The following PKHD1L1 variants were observed in gnomAD, a reference collection of about 807,000 sequenced individuals.
PKHD1L1 encodes fibrocystin-L.
Under a neutral mutation model 462.9 loss-of-function variants are expected in PKHD1L1, and 434 were observed. That is an observed-to-expected ratio of 0.94 (90% confidence interval 0.87 to 1.02). The LOEUF is 1.02. Among genes scored for constraint, PKHD1L1 ranks in the 50% least tolerant of loss-of-function variants. The pLI is 0.00. For synonymous variants in PKHD1L1, 1,781 were observed against 1,750.0 expected, an observed-to-expected ratio of 1.02 and a Z score of -0.44; for missense variants, 5,202 against 5,096.1, an observed-to-expected ratio of 1.02 and a Z score of -0.63.
At chr8:109,368,983 AT>A (rs530600117) in intron 2 of PKHD1L1, among the ~76,000 whole-genome samples, 2,282 of 144,676 alleles carry the variant, frequency 0.016, 47 homozygotes, top group African/African-American at 0.047. Context: ...AGAATTACAT[AT>A]TTTTTTTTTT....
intron 68 of PKHD1L1, among the ~76,000 whole-genome samples, chr8:109,506,167 T>A (rs1819677511): frequency 6.6e-6 from 1 of 152,208 alleles, no homozygotes; most frequent in African/African-American, 2.4e-5. Context: ...TTTTCTGAGT[T>A]CTGTGCTTGC....
chr8:109,400,444 G>A, intron 13 of PKHD1L1, 100 bp downstream of exon 13: 3 of 1,322,430 alleles, frequency 2.3e-6, no homozygotes, highest in East Asian at 2.4e-5. Context: ...TTTTTAAAAT[G>A]TATGAGAAAT....
At chr8:109,497,345 T>C (rs1819150201) in intron 65 of PKHD1L1, 73 bp downstream of exon 65, 5 of 1,503,804 alleles carry the variant, frequency 3.3e-6, no homozygotes, top group Non-Finnish European at 4.5e-6. Context: ...GAAGGACTAA[T>C]AAGAATAATC....
intron 38 of PKHD1L1, among the ~76,000 whole-genome samples, chr8:109,447,086 GGCGGCAT>G (rs1452912574): frequency 6.6e-6 from 1 of 152,080 alleles, no homozygotes; most frequent in Non-Finnish European, 1.5e-5. Flanking sequence ...AGCCAGGCAT[GGCGGCAT>G]GCACCTGTAG....
intron 6 of PKHD1L1, 44 bp from the exon 7 acceptor site, chr8:109,388,453 T>C (rs1203871285): frequency 2.2e-6 from 3 of 1,371,886 alleles, no homozygotes; most frequent in Non-Finnish European, 3.0e-6. Flanking sequence ...TGAAACAATT[T>C]GTTAAACATA....
At chr8:109,515,327 A>T (rs55932317) in intron 72 of PKHD1L1, 22 bp downstream of exon 72, 309,773 of 1,476,302 alleles carry the variant, frequency 0.21, 35,235 homozygotes, top group South Asian at 0.37. Context: ...GAAAAAATAC[A>T]GTACACATGG....
intron 50 of PKHD1L1, among the ~76,000 whole-genome samples, chr8:109,471,976 G>A (rs946641066): frequency 2.0e-4 from 31 of 152,018 alleles, no homozygotes; most frequent in African/African-American, 6.8e-4. Context: ...TTTAAGTAAC[G>A]TGCTCACTGT....
chr8:109,484,712 C>A (rs1027819042), intron 57 of PKHD1L1, among the ~76,000 whole-genome samples: 2 of 151,834 alleles, frequency 1.3e-5, no homozygotes, highest in African/African-American at 2.4e-5. Context: ...AAATTCAACT[C>A]TTAATAATAT....
chr8:109,466,619 G>C lies in PKHD1L1; in HGVS notation c.8455G>C (p.Asp2819His), dbSNP rs1817453816. Reference protein sequence around the residue: ...HTVIPHSSLLDPSHCTQEAEW... With the variant: ...HTVIPHSSLLHPSHCTQEAEW... ...CGTCATTCCACACAGCTCATTGCTA[G>C]ACCCTTCTCATTGTACTCAGGAAGC... Residue 2819 changes from aspartate (D) to histidine (H), a missense_variant, in exon 50 of 78, where the codon GAC becomes CAC. By Grantham distance (81) the Asp-to-His change is moderately conservative (BLOSUM62 -1). Coordinates refer to ENST00000378402, the MANE Select transcript of PKHD1L1 (RefSeq NM_177531.6). 6.2e-7 allele frequency: 1 copy of C among 1,609,926 alleles called. No homozygotes were observed. Among genetic ancestry groups the C allele is most frequent in the Admixed American group, 1.7e-5 (1 of 59,512 alleles).
Position 109,476,563 on chromosome 8 carries a change from A to G in PKHD1L1, c.8813A>G (p.Asn2938Ser). 2 of 1,548,970 alleles carry G rather than the reference A, an allele frequency of 1.3e-6. No homozygotes were observed. The highest frequency in any genetic ancestry group is 1.8e-6 in the Non-Finnish European group (2 of 1,134,902). The change falls in exon 52 of 78, where the codon AAT (asparagine) becomes AGT (serine). Residue 2938 changes from asparagine to serine, a missense_variant. Around this residue, in one of 3 missense-constraint regions of PKHD1L1, gnomAD observed 4,497 missense variants for 4,336.8 expected, o/e 1.04. Transcript: ENST00000378402. Reference protein sequence around the residue: ...HNFTQNPDMFNIIDMRNGSSN... With the variant: ...HNFTQNPDMFSIIDMRNGSSN... The stretch of plus-strand genomic sequence containing the variant: ...TTCACTCAAAATCCTGACATGTTTA[A>G]TATTATTGATATGAGGAATGGTTCC...
chr8:109,417,352 A>G (rs1814232886), intron 21 of PKHD1L1, among the ~76,000 whole-genome samples: 1 of 152,160 alleles, frequency 6.6e-6, no homozygotes, highest in African/African-American at 2.4e-5. Flanking sequence ...AAAAAAAACT[A>G]AAAATTTTTT....
In PKHD1L1 at chr8:109,493,736, G is replaced by C. The variant is rs2130928002; in HGVS notation, c.10312G>C (p.Gly3438Arg). Residue 3438 changes from glycine (G) to arginine (R), a missense_variant, in exon 63 of 78, where the codon GGT becomes CGT. Around this residue, in one of 3 missense-constraint regions of PKHD1L1, gnomAD observed 4,497 missense variants for 4,336.8 expected, o/e 1.04. Transcript: ENST00000378402. ...TGGAAGAGCAGGATACCGCATTGATGGTGAACCTTGCCCAGGTAAGTCTTT... is the reference window on the plus strand; with the variant it reads ...TGGAAGAGCAGGATACCGCATTGATCGTGAACCTTGCCCAGGTAAGTCTTT... ...GFGRAGYRID[G>R]EPCPGQFNPV... 1 of 1,603,668 alleles carries C rather than the reference G, an allele frequency of 6.2e-7. No homozygotes were observed. Among genetic ancestry groups the C allele is most frequent in the Non-Finnish European group, 8.5e-7 (1 of 1,174,558 alleles).
Position 109,445,662 on chromosome 8 carries a change from C to T in PKHD1L1, c.5776+17C>T. On this transcript the variant is annotated intron_variant, in intron 38 of 77. Transcript: ENST00000378402. ...CAAGCAGAGGTACTCCAATATCTGCCTTATTATCTTGATATTATAGTATCG... is the reference window on the plus strand; with the variant it reads ...CAAGCAGAGGTACTCCAATATCTGCTTTATTATCTTGATATTATAGTATCG... 6.4e-7 allele frequency: 1 copy of T among 1,560,654 alleles called. No individual in the cohort carries two copies. The highest frequency in any genetic ancestry group is 1.1e-5 in the South Asian group (1 of 87,960).
intron 68 of PKHD1L1, among the ~76,000 whole-genome samples, chr8:109,505,636 T>A (rs13264828): frequency 2.0e-5 from 3 of 152,208 alleles, no homozygotes. Flanking sequence ...TTGTGGCTAG[T>A]GCCTGTAATC....
At position 109,420,358 on chromosome 8, in the gene PKHD1L1, C is replaced by A. The variant is rs541884185; in HGVS notation, c.2525-160C>A. 2.2e-4 allele frequency among the ~76,000 whole-genome samples: 33 copies of A among 152,256 alleles called. No homozygotes were observed. The Middle Eastern group carries it at 0.014, about 63-fold the overall frequency. ...TTGCCTTCAGGTCTTCTTTCTAATACTTGATTTTAAATACTTCATGACAAT... is the reference window on the plus strand; with the variant it reads ...TTGCCTTCAGGTCTTCTTTCTAATAATTGATTTTAAATACTTCATGACAAT... On this transcript the variant is annotated intron_variant, in intron 22 of 77. Transcript: ENST00000378402.
chr8:109,409,251 T>C (rs1813714139), intron 18 of PKHD1L1, among the ~76,000 whole-genome samples: 1 of 152,032 alleles, frequency 6.6e-6, no homozygotes, highest in South Asian at 2.1e-4. Flanking sequence ...TATATGCATG[T>C]AACCTTTTTT....
At chr8:109,522,072 T>C in intron 73 of PKHD1L1, 114 bp from the exon 74 acceptor site, 1 of 1,091,150 alleles carries the variant, frequency 9.2e-7, no homozygotes, top group Non-Finnish European at 1.3e-6. Flanking sequence ...TAGAAAGCCT[T>C]AGAATTCTAT....
chr8:109,487,591 C>T (rs1237128076), intron 59 of PKHD1L1, among the ~76,000 whole-genome samples: 1 of 151,776 alleles, frequency 6.6e-6, no homozygotes, highest in Non-Finnish European at 1.5e-5. Context: ...GAAGTTGGTC[C>T]TCTAATTCTG....
chr8:109,407,962 C>A, intron 17 of PKHD1L1, 87 bp from the exon 18 acceptor site: 1 of 899,092 alleles, frequency 1.1e-6, no homozygotes, highest in Non-Finnish European at 1.4e-6. Flanking sequence ...ATTTGAGTGT[C>A]TATTAAATAT....
Sources: gnomAD v4.1 joint callset for allele counts (sites outside exome capture counted in the v4.1 genomes callset) on GRCh38, gnomAD v4.1.1 for gene constraint, gnomAD v4.1.1 regional missense constraint, MANE v1.5 for transcripts, NCBI Gene and HGNC (gene_info 2026-07-23, HGNC 2026-07-21) for gene names.